XNDC1N: variants seen among roughly 807,000 people sequenced by gnomAD.
XNDC1N encodes the protein XRCC1 N-terminal domain containing 1, N-terminal like.
the XNDC1N span, among the ~76,000 whole-genome samples, chr11:71,915,273 C>T: frequency 1.3e-5 from 2 of 151,966 alleles, no homozygotes; most frequent in Non-Finnish European, 2.9e-5. Flanking sequence ...ACGGTGAAAC[C>T]CTGTCTCTAC....
chr11:71,868,920 T>C, the XNDC1N span, among the ~76,000 whole-genome samples: 1 of 152,122 alleles, frequency 6.6e-6, no homozygotes, highest in Non-Finnish European at 1.5e-5. Flanking sequence ...TGCCAGTGAG[T>C]CATATATCTG....
At chr11:71,902,637 G>A in the XNDC1N span, among the ~76,000 whole-genome samples, 2 of 152,206 alleles carry the variant, frequency 1.3e-5, no homozygotes, top group African/African-American at 4.8e-5. Flanking sequence ...GAAATCACTA[G>A]GACCTAACTG....
At chr11:71,891,317 T>G in the XNDC1N span, among the ~76,000 whole-genome samples, 2 of 151,692 alleles carry the variant, frequency 1.3e-5, no homozygotes, top group African/African-American at 2.4e-5. Context: ...AGTAATATCA[T>G]CCTCTCTCCC....
chr11:71,875,774 C>G, the XNDC1N span, among the ~76,000 whole-genome samples: 1 of 152,158 alleles, frequency 6.6e-6, no homozygotes, highest in South Asian at 2.1e-4. Context: ...TGCTGTAATC[C>G]CAGCACTCTG....
chr11:71,903,357 A>C, the XNDC1N span: 2 of 1,462,268 alleles, frequency 1.4e-6, no homozygotes, highest in Non-Finnish European at 1.9e-6. Flanking sequence ...TCCCACCTCC[A>C]CACCCCATGT....
chr11:71,901,947 C>G, the XNDC1N span, among the ~76,000 whole-genome samples: 57 of 151,432 alleles, frequency 3.8e-4, no homozygotes, highest in East Asian at 9.6e-3. Context: ...GAAATATCCC[C>G]TGACCTGAAG....
At chr11:71,904,128 A>T in the XNDC1N span, 1 of 489,060 alleles carries the variant, frequency 2.0e-6, no homozygotes. Flanking sequence ...TCTAATCTCA[A>T]TATCTTCTTA....
the XNDC1N span, among the ~76,000 whole-genome samples, chr11:71,870,636 G>C: frequency 2.6e-5 from 4 of 152,166 alleles, no homozygotes; most frequent in African/African-American, 9.7e-5. Flanking sequence ...CCATACATCT[G>C]ATAAGGGGTT....
At chr11:71,907,579 C>T in the XNDC1N span, among the ~76,000 whole-genome samples, 5 of 152,044 alleles carry the variant, frequency 3.3e-5, no homozygotes, top group South Asian at 2.1e-4. Flanking sequence ...GACCGCTGTA[C>T]ACCCGTCTGT....
chr11:71,920,330 T>C, the XNDC1N span, among the ~76,000 whole-genome samples: 1 of 149,960 alleles, frequency 6.7e-6, no homozygotes, highest in African/African-American at 2.5e-5. Flanking sequence ...TTTTTTGAGA[T>C]GGAGTTTGCT....
At chr11:71,883,282 T>C in the XNDC1N span, among the ~76,000 whole-genome samples, 3 of 152,036 alleles carry the variant, frequency 2.0e-5, no homozygotes, top group Non-Finnish European at 4.4e-5. Context: ...CCCAGAATAG[T>C]CAAAACAATG....
chr11:71,911,035 T>TG, the XNDC1N span, among the ~76,000 whole-genome samples: 3 of 152,230 alleles, frequency 2.0e-5, no homozygotes, highest in African/African-American at 7.2e-5. Context: ...ACCCAAACTG[T>TG]GGGGCCCAGG....
the XNDC1N span, among the ~76,000 whole-genome samples, chr11:71,918,491 A>G: frequency 6.6e-6 from 1 of 152,134 alleles, no homozygotes; most frequent in Non-Finnish European, 1.5e-5. Context: ...CATGTTGCCC[A>G]GGCTGATCTC....
At chr11:71,902,471 G>T in the XNDC1N span, among the ~76,000 whole-genome samples, 1 of 152,232 alleles carries the variant, frequency 6.6e-6, no homozygotes, top group Non-Finnish European at 1.5e-5. Flanking sequence ...GATTACCGGC[G>T]TGAGCCACCG....
At chr11:71,899,986 C>T in the XNDC1N span, among the ~76,000 whole-genome samples, 1 of 152,252 alleles carries the variant, frequency 6.6e-6, no homozygotes, top group Non-Finnish European at 1.5e-5. Context: ...GACAAGTTTG[C>T]AGCAATGCTG....
the XNDC1N span, among the ~76,000 whole-genome samples, chr11:71,900,170 C>G: frequency 6.6e-6 from 1 of 152,336 alleles, no homozygotes; most frequent in African/African-American, 2.4e-5. Flanking sequence ...CTACTACATT[C>G]GTTTTTGCTA....
At chr11:71,888,125 G>A in the XNDC1N span, among the ~76,000 whole-genome samples, 7 of 152,140 alleles carry the variant, frequency 4.6e-5, no homozygotes, top group African/African-American at 1.7e-4. Flanking sequence ...AGTTGGGTGT[G>A]CCAAGGGAAC....
At chr11:71,907,977 A>AAC in the XNDC1N span, among the ~76,000 whole-genome samples, 1 of 152,156 alleles carries the variant, frequency 6.6e-6, no homozygotes, top group African/African-American at 2.4e-5. Flanking sequence ...TATTGTGAGT[A>AAC]ACGTCATACT....
the XNDC1N span, among the ~76,000 whole-genome samples, chr11:71,927,088 A>G: frequency 6.6e-6 from 1 of 151,610 alleles, no homozygotes; most frequent in Admixed American, 6.6e-5. Flanking sequence ...TCCACAAAAT[A>G]TTTTTAAAAA....
Sources: gnomAD v4.1 joint callset for allele counts (sites outside exome capture counted in the v4.1 genomes callset) on GRCh38, gnomAD v4.1.1 for gene constraint, MANE v1.5 for transcripts, NCBI Gene and HGNC (gene_info 2026-07-23, HGNC 2026-07-21) for gene names.